Variants in CELF4 observed in about 807,000 individuals in gnomAD.
CELF4 encodes the protein CUG-BP- and ETR-3-like factor 4.
A neutral mutation model predicts 59.9 loss-of-function variants in CELF4; 18 were observed. The observed-to-expected ratio is 0.30, with a 90% CI of 0.21 to 0.45. CELF4 has a LOEUF of 0.45. Ranked by LOEUF, CELF4 falls within the 20% of genes least tolerant of loss-of-function variation. The probability of loss-of-function intolerance (pLI) is 1.00; values close to 1 mark genes in which losing one functional copy is unlikely to be tolerated. For missense variants in CELF4, 456 were observed against 689.0 expected (o/e 0.66, Z 3.79); for synonymous variants, 261 against 267.1 (o/e 0.98, Z 0.22).
At chr18:37,457,877 G>A (rs1367020695) in intron 2 of CELF4, among the ~76,000 whole-genome samples, 2 of 152,130 alleles carry the variant, frequency 1.3e-5, no homozygotes, top group African/African-American at 4.8e-5. Context: ...AATATCCGAT[G>A]CTCCAAGGAT....
chr18:37,256,974 C>G (rs1443539361), intron 11 of CELF4, among the ~76,000 whole-genome samples: 2 of 152,152 alleles, frequency 1.3e-5, no homozygotes, highest in East Asian at 3.9e-4. Flanking sequence ...CCAGGAACAG[C>G]TGGGCTGGAC....
At chr18:37,260,790 T>C (rs2073826993) in intron 10 of CELF4, among the ~76,000 whole-genome samples, 1 of 152,198 alleles carries the variant, frequency 6.6e-6, no homozygotes, top group African/African-American at 2.4e-5. Flanking sequence ...AAGGAGCCAC[T>C]GGCTTCCTCC....
chr18:37,342,897 C>CTATG (rs1439784539), intron 2 of CELF4, among the ~76,000 whole-genome samples: 1 of 152,242 alleles, frequency 6.6e-6, no homozygotes, highest in Non-Finnish European at 1.5e-5. Context: ...CCCCCAACCC[C>CTATG]TATGTCATGT....
At chr18:37,415,670 C>A (rs1049032426) in intron 2 of CELF4, among the ~76,000 whole-genome samples, 1 of 152,202 alleles carries the variant, frequency 6.6e-6, no homozygotes, top group East Asian at 1.9e-4. Flanking sequence ...AATGCCTTGG[C>A]AGTTCCCCCT....
At chr18:37,485,828 C>T (rs1603642415) in intron 1 of CELF4, 1 of 364,314 alleles carries the variant, frequency 2.7e-6, no homozygotes, top group East Asian at 3.9e-5. Flanking sequence ...TTTGCTCCCT[C>T]CGCGGAGTCT....
chr18:37,346,089 C>A (rs1020204090), intron 2 of CELF4, among the ~76,000 whole-genome samples: 1 of 152,210 alleles, frequency 6.6e-6, no homozygotes, highest in Non-Finnish European at 1.5e-5. Context: ...CCACAGAGGC[C>A]ATTTCTGTAG....
chr18:37,410,463 G>T (rs2099431334), intron 2 of CELF4, among the ~76,000 whole-genome samples: 1 of 152,260 alleles, frequency 6.6e-6, no homozygotes, highest in Non-Finnish European at 1.5e-5. Flanking sequence ...CCACACCTGG[G>T]CTACCAGAAC....
intron 1 of CELF4, among the ~76,000 whole-genome samples, chr18:37,516,306 C>T (rs1470261831): frequency 6.6e-6 from 1 of 152,078 alleles, no homozygotes; most frequent in South Asian, 2.1e-4. Flanking sequence ...ACCTGGACCA[C>T]CCATCCCACC....
rs1352049779 is a variant in CELF4 at position 37,270,751 on chromosome 18, C to T, written c.1099+17G>A. On this transcript the variant is annotated intron_variant, in intron 8 of 12. Transcript: ENST00000420428. ...AATGTGCTGCATACGGAAATAAGTGCTGACAGATGTGCTTACCTGGGTAGG... is the reference window on the plus strand; with the variant it reads ...AATGTGCTGCATACGGAAATAAGTGTTGACAGATGTGCTTACCTGGGTAGG... The T allele has an allele frequency of 3.7e-6, 6 of 1,613,556 alleles. No homozygotes were observed. Among genetic ancestry groups the T allele is most frequent in the Non-Finnish European group, 5.1e-6 (6 of 1,179,864 alleles).
chr18:37,553,033 C>T lies in CELF4; in HGVS notation c.286+12323G>A, dbSNP rs560436228. 3.4e-4 allele frequency among the ~76,000 whole-genome samples: 52 copies of T among 152,352 alleles called. No homozygotes were observed. In the South Asian group the frequency reaches 9.7e-3, roughly 29 times the overall value. On this transcript the variant is annotated intron_variant, in intron 1 of 12. Transcript: ENST00000420428. ...TTCCCTGGGGACCCAACTCAGCTGCCGGGTCCCAGGCTTCGCCGTTTGTTC... is the reference window on the plus strand; with the variant it reads ...TTCCCTGGGGACCCAACTCAGCTGCTGGGTCCCAGGCTTCGCCGTTTGTTC...
At chr18:37,258,173 C>T (rs568749863) in intron 11 of CELF4, among the ~76,000 whole-genome samples, 6 of 152,166 alleles carry the variant, frequency 3.9e-5, no homozygotes, top group Non-Finnish European at 7.3e-5. Flanking sequence ...TAACACCATG[C>T]CCTGAGCACA....
chr18:37,513,181 C>T (rs1198370193), intron 1 of CELF4, among the ~76,000 whole-genome samples: 1 of 152,172 alleles, frequency 6.6e-6, no homozygotes, highest in African/African-American at 2.4e-5. Flanking sequence ...GAACAACAGC[C>T]CTTTGTTCCC....
chr18:37,493,289 C>T (rs568902021), intron 1 of CELF4, among the ~76,000 whole-genome samples: 1 of 152,358 alleles, frequency 6.6e-6, no homozygotes, highest in South Asian at 2.1e-4. Flanking sequence ...GGAAGCCTTC[C>T]CTGACTACTT....
intron 1 of CELF4, among the ~76,000 whole-genome samples, chr18:37,541,476 C>T (rs1414578365): frequency 6.6e-6 from 1 of 152,172 alleles, no homozygotes; most frequent in Non-Finnish European, 1.5e-5. Context: ...ACCATTGCTC[C>T]TCTGGCTGCC....
At chr18:37,438,853 A>AT (rs905947922) in intron 2 of CELF4, among the ~76,000 whole-genome samples, 9 of 151,252 alleles carry the variant, frequency 6.0e-5, no homozygotes, top group Non-Finnish European at 8.8e-5. Context: ...GGCTGCTTGC[A>AT]TTTTTTTTTC....
At chr18:37,394,599 A>T (rs78909339) in intron 2 of CELF4, among the ~76,000 whole-genome samples, 2 of 152,274 alleles carry the variant, frequency 1.3e-5, no homozygotes, top group African/African-American at 4.8e-5. Context: ...GTAACTTTTC[A>T]TTAGAGACAC....
chr18:37,340,676 G>A (rs913072392), intron 2 of CELF4, among the ~76,000 whole-genome samples: 20 of 152,346 alleles, frequency 1.3e-4, no homozygotes, highest in African/African-American at 4.3e-4. Flanking sequence ...CCTGAGCAGA[G>A]GTGTGTTGGG....
chr18:37,256,564 CTTTAT>C (rs893844705), intron 11 of CELF4, among the ~76,000 whole-genome samples: 29 of 152,188 alleles, frequency 1.9e-4, no homozygotes, highest in African/African-American at 6.3e-4. Context: ...TTAGGTATCA[CTTTAT>C]TTTATTTTTA....
intron 2 of CELF4, among the ~76,000 whole-genome samples, chr18:37,470,836 CTGTGTGTGTGTGTGTG>C (rs71381583): frequency 0.022 from 2,013 of 92,828 alleles, 29 homozygotes; most frequent in Middle Eastern, 0.037. Flanking sequence ...CTTCATGACT[CTGTGTGTGTGTGTGTG>C]TGTGTGTGTG....
Sources: allele counts gnomAD v4.1 joint callset (sites outside exome capture counted in the v4.1 genomes callset), GRCh38; gene constraint gnomAD v4.1.1; transcripts MANE v1.5; gene names NCBI Gene and HGNC (gene_info 2026-07-23, HGNC 2026-07-21).